Variants in NAV2 observed in about 807,000 individuals in gnomAD.
NAV2 encodes neuron navigator 2.
A neutral mutation model predicts 223.2 loss-of-function variants in NAV2; 54 were observed. That is an observed-to-expected ratio of 0.24 (90% CI 0.19 to 0.30). The LOEUF (loss-of-function observed/expected upper bound fraction) is 0.30, where lower values mean the gene tolerates loss of function less well. NAV2 is among the 10% of genes least tolerant of loss of function. The pLI, the probability that NAV2 is intolerant of heterozygous loss-of-function variation, is 1.00. For missense variants in NAV2, 2,806 were observed against 3,147.5 expected (o/e 0.89, Z 2.60); for synonymous variants, 1,279 against 1,239.3 (o/e 1.03, Z -0.67).
chr11:19,404,889 T>A (rs1232813731), intron 1 of NAV2, among the ~76,000 whole-genome samples: 1 of 152,128 alleles, frequency 6.6e-6, no homozygotes, highest in Non-Finnish European at 1.5e-5. Flanking sequence ...TAAGTGTTAA[T>A]CTGGAAGGCC....
chr11:19,979,223 T>C (rs983908469), intron 10 of NAV2: 1 of 152,156 alleles, frequency 6.6e-6, no homozygotes, highest in African/African-American at 2.4e-5. Flanking sequence ...GATGAGAAAA[T>C]GCCCACCAAA....
intron 1 of NAV2, among the ~76,000 whole-genome samples, chr11:19,655,143 G>A (rs545628724): frequency 1.1e-3 from 168 of 152,308 alleles, no homozygotes; most frequent in African/African-American, 3.9e-3. Context: ...GTGAAAAAAT[G>A]CTCATCATCA....
At chr11:19,385,768 T>C (rs1289325718) in intron 1 of NAV2, among the ~76,000 whole-genome samples, 2 of 65,050 alleles carry the variant, frequency 3.1e-5, no homozygotes, top group Non-Finnish European at 7.5e-5. Flanking sequence ...TTTTTTTTTT[T>C]TTTTTTTTTT....
intron 1 of NAV2, among the ~76,000 whole-genome samples, chr11:19,631,265 C>T (rs1463403471): frequency 6.6e-6 from 1 of 151,778 alleles, no homozygotes; most frequent in Admixed American, 6.6e-5. Flanking sequence ...CTTTCCCCCA[C>T]CCCACAACAG....
intron 1 of NAV2, among the ~76,000 whole-genome samples, chr11:19,543,350 G>A (rs996491990): frequency 1.3e-5 from 2 of 152,244 alleles, no homozygotes; most frequent in South Asian, 4.1e-4. Context: ...CAGGAACTAG[G>A]GCTTGAACTG....
rs772587109 is a variant in NAV2, at chr11:19,984,267, G to A, written c.2768+20G>A. ...TGACAGGTAAGCTTGCTGCACTTGG[G>A]GCTGGTCAGATGCAGAGGTGATCCC... is the stretch of plus-strand genomic sequence containing the variant. On this transcript the variant is annotated intron_variant, in intron 11 of 37. Coordinates refer to ENST00000349880, the MANE Select transcript of NAV2 (RefSeq NM_145117.5). 3 of 1,613,512 alleles carry A rather than the reference G, an allele frequency of 1.9e-6. No homozygotes were observed. In the South Asian group the frequency reaches 3.3e-5, roughly 18 times the overall value.
intron 8 of NAV2, 57 bp from the exon 9 acceptor site, chr11:19,946,344 T>C: frequency 6.7e-7 from 1 of 1,494,350 alleles, no homozygotes; most frequent in Non-Finnish European, 9.1e-7. Flanking sequence ...GATGCTGCCC[T>C]TATGAAGCTC....
chr11:19,836,426 G>A lies in NAV2; in HGVS notation c.385+3825G>A, dbSNP rs368133428. On this transcript the variant is annotated intron_variant, in intron 2 of 37. Transcript: ENST00000349880. ...CAAAAAATTAGCCGGGCGCGGTGGC[G>A]GGCGCCTGTAGTCCCAGCTGCTCGG... Among the ~76,000 whole-genome samples, 497 of 151,946 alleles carry A rather than the reference G, an allele frequency of 3.3e-3. 4 individuals carry two copies. The highest frequency in any genetic ancestry group is 0.011 in the African/African-American group (452 of 41,468).
intron 1 of NAV2, among the ~76,000 whole-genome samples, chr11:19,369,798 A>G (rs564541457): frequency 6.6e-6 from 1 of 152,298 alleles, no homozygotes; most frequent in South Asian, 2.1e-4. Context: ...GCATCAGGAA[A>G]TCGAAAGATA....
intron 6 of NAV2, among the ~76,000 whole-genome samples, chr11:19,926,446 A>G (rs2044755933): frequency 6.6e-6 from 1 of 152,158 alleles, no homozygotes; most frequent in South Asian, 2.1e-4. Context: ...TATCCTTAAT[A>G]TTAGACATTG....
In NAV2 at chr11:20,078,098, T is replaced by C. The variant is rs1565004002; in HGVS notation, c.5173T>C (p.Cys1725Arg). 1 of 1,611,514 alleles carries C rather than the reference T, an allele frequency of 6.2e-7. No individual in the cohort carries two copies. The highest frequency in any genetic ancestry group is 2.2e-5 in the East Asian group (1 of 44,808). Residue 1725 changes from cysteine to arginine, a missense_variant, in exon 24 of 38, where the codon TGC (cysteine) becomes CGC (arginine). Cys to Arg is a radical substitution (Grantham distance 180, BLOSUM62 -3). This residue lies in a region of NAV2 where 824 missense variants were observed against 1,069.4 expected (regional missense o/e 0.77). Coordinates refer to ENST00000349880, the MANE Select transcript of NAV2 (RefSeq NM_145117.5). ...AGTAATTAACACACCTGAGCTCAAC[T>C]GCAAAGGTAAAGTAAGGGAAACAGC... ...NGVINTPELN[C>R]KGNGTAQSAD...
At chr11:20,023,205 C>CG (rs1404950274) in intron 11 of NAV2, 1 of 1,349,402 alleles carries the variant, frequency 7.4e-7, no homozygotes, top group African/African-American at 1.5e-5. Flanking sequence ...CTTCCTTGGC[C>CG]GGTATTGAAA....
intron 3 of NAV2, among the ~76,000 whole-genome samples, chr11:19,850,346 T>A (rs1289727195): frequency 1.3e-5 from 2 of 152,160 alleles, no homozygotes; most frequent in Non-Finnish European, 2.9e-5. Context: ...TTGAAGGAAA[T>A]ACCATGTCTT....
intron 1 of NAV2, among the ~76,000 whole-genome samples, chr11:19,355,448 A>C (rs1329449752): frequency 6.6e-6 from 1 of 152,188 alleles, no homozygotes; most frequent in African/African-American, 2.4e-5. Context: ...TGGATCTGCC[A>C]AGCCCTGCCC....
At chr11:19,476,774 T>C (rs2133970148) in intron 1 of NAV2, among the ~76,000 whole-genome samples, 1 of 152,330 alleles carries the variant, frequency 6.6e-6, no homozygotes, top group Admixed American at 6.5e-5. Flanking sequence ...AGTGTTCTCT[T>C]GCTTAGACTT....
chr11:20,027,613 G>A (rs2055235149), intron 11 of NAV2: 1 of 228,400 alleles, frequency 4.4e-6, no homozygotes, highest in Non-Finnish European at 7.3e-6. Flanking sequence ...TGGAGTTTGG[G>A]GAGGATTAGG....
At chr11:19,702,942 T>C (rs1236759101) in intron 1 of NAV2, among the ~76,000 whole-genome samples, 1 of 150,908 alleles carries the variant, frequency 6.6e-6, no homozygotes, top group Non-Finnish European at 1.5e-5. Flanking sequence ...AAAATAATGG[T>C]ATAAAATAAG....
chr11:19,345,616 G>T, the NAV2 span, among the ~76,000 whole-genome samples: 2 of 152,214 alleles, frequency 1.3e-5, no homozygotes, highest in African/African-American at 4.8e-5. The surrounding 1 kb of genome is among the most constrained non-coding windows in gnomAD (Gnocchi z 5.2). Flanking sequence ...ACCCGTGCGC[G>T]ATGACGGCCG....
At chr11:19,728,544 G>C (rs966485018) in intron 1 of NAV2, among the ~76,000 whole-genome samples, 1 of 152,202 alleles carries the variant, frequency 6.6e-6, no homozygotes, top group African/African-American at 2.4e-5. Flanking sequence ...TTGGATTTCA[G>C]CTCTGTCCAC....
Sources: gnomAD v4.1 joint callset for allele counts (sites outside exome capture counted in the v4.1 genomes callset) on GRCh38, gnomAD v4.1.1 for gene constraint, gnomAD v4.1.1 regional missense constraint, Gnocchi (gnomAD v3.1) non-coding constraint, MANE v1.5 for transcripts, NCBI Gene and HGNC (gene_info 2026-07-23, HGNC 2026-07-21) for gene names.